The following GSE1 variants were observed in gnomAD, a reference collection of about 807,000 sequenced individuals.
The protein encoded by GSE1 is genetic suppressor element 1.
A neutral mutation model predicts 112.6 loss-of-function variants in GSE1; 32 were observed. The observed-to-expected ratio is 0.28, with a 90% CI of 0.21 to 0.38. The LOEUF (loss-of-function observed/expected upper bound fraction) is 0.38, where lower values mean the gene tolerates loss of function less well. GSE1 is among the 10% of genes least tolerant of loss of function. The probability of loss-of-function intolerance (pLI) is 1.00; values close to 1 mark genes in which losing one functional copy is unlikely to be tolerated. For synonymous variants in GSE1, 1,115 were observed against 735.6 expected, an observed-to-expected ratio of 1.52 and a Z score of -8.35; for missense variants, 2,348 against 1,699.2, an observed-to-expected ratio of 1.38 and a Z score of -6.71.
chr16:85,656,406 T>G lies in GSE1; in HGVS notation c.1053T>G (p.Arg351=), dbSNP rs774443353. The part of the protein sequence containing the change: ...RERERERERE[R]EADREREKER... ...GCGAGCGCGAGCGCGAGCGTGAGCGTGAGGCTGACCGCGAGCGGGAGAAGG... is the reference window on the plus strand; with the variant it reads ...GCGAGCGCGAGCGCGAGCGTGAGCGGGAGGCTGACCGCGAGCGGGAGAAGG... The change falls in exon 7 of 16, where the codon CGT becomes CGG. Residue 351 remains arginine (R), a synonymous_variant. Coordinates refer to ENST00000253458, the MANE Select transcript of GSE1 (RefSeq NM_014615.5). 2 of 1,569,670 alleles carry G rather than the reference T, an allele frequency of 1.3e-6. No homozygotes were observed. The highest frequency in any genetic ancestry group is 1.7e-6 in the Non-Finnish European group (2 of 1,154,462).
At chr16:85,563,036 C>G (rs1216490573) in intron 1 of GSE1, among the ~76,000 whole-genome samples, 1 of 152,206 alleles carries the variant, frequency 6.6e-6, no homozygotes, top group African/African-American at 2.4e-5. Context: ...ATCCTTGTCC[C>G]TGTCTGGGAT....
intron 2 of GSE1, among the ~76,000 whole-genome samples, chr16:85,378,761 G>A (rs2151615568): frequency 6.6e-6 from 1 of 152,256 alleles, no homozygotes; most frequent in South Asian, 2.1e-4. Flanking sequence ...ACTTGGGGAT[G>A]GAAAGCACCT....
intron 1 of GSE1, among the ~76,000 whole-genome samples, chr16:85,346,856 G>A (rs1597452078): frequency 6.6e-6 from 1 of 151,528 alleles, no homozygotes; most frequent in Non-Finnish European, 1.5e-5. Flanking sequence ...AGGTGGATGG[G>A]TGATGGACAG....
intron 1 of GSE1, among the ~76,000 whole-genome samples, chr16:85,257,609 A>C (rs1431579115): frequency 1.3e-5 from 2 of 152,242 alleles, no homozygotes; most frequent in Admixed American, 6.5e-5. Flanking sequence ...CAAAGGAAAA[A>C]AACTAGCCTG....
chr16:85,330,794 T>C (rs1025665325), intron 1 of GSE1, among the ~76,000 whole-genome samples: 1 of 152,250 alleles, frequency 6.6e-6, no homozygotes, highest in African/African-American at 2.4e-5. Flanking sequence ...GCATGAGCCC[T>C]TGGGGCCCAG....
chr16:85,662,060 G>A (rs1367331579), intron 9 of GSE1, among the ~76,000 whole-genome samples: 3 of 152,194 alleles, frequency 2.0e-5, no homozygotes, highest in Non-Finnish European at 2.9e-5. Flanking sequence ...AGTGATGAGC[G>A]GAGGCTAATA....
Position 85,309,524 on chromosome 16 carries a change from G to T in GSE1, c.2284-47939G>T, listed in dbSNP as rs1380222341. On this transcript the variant is annotated intron_variant, in intron 1 of 2. Coordinates refer to the GSE1 transcript ENST00000637419. ...CAATAATAAATAAATAAATAAATAAGAAGAACCGGGTGAGATTAATTTTGA... is the reference window on the plus strand; with the variant it reads ...CAATAATAAATAAATAAATAAATAATAAGAACCGGGTGAGATTAATTTTGA... 5.3e-5 allele frequency among the ~76,000 whole-genome samples: 6 copies of T among 113,458 alleles called. No homozygotes were observed. In the South Asian group the frequency reaches 1.5e-3, roughly 28 times the overall value. 74.4% of individuals were successfully genotyped at this position (113,458 alleles called of 152,430 possible). A position where few individuals can be genotyped will look rare whatever the true frequency, so the allele number is the denominator to read the frequency against.
At chr16:85,289,598 T>C (rs1331093530) in intron 1 of GSE1, among the ~76,000 whole-genome samples, 5 of 152,142 alleles carry the variant, frequency 3.3e-5, no homozygotes, top group Admixed American at 6.5e-5. Flanking sequence ...AGACCACACT[T>C]TGAGAACCAT....
In GSE1 at chr16:85,373,509, G is replaced by A. The variant is rs1200663392; in HGVS notation, c.2464+15866G>A. ...TCCCCATTTGTGAAGTAGGGATGCT[G>A]TGGCAGCTGCCTCCCGGGGCCCCTG... On this transcript the variant is annotated intron_variant, in intron 2 of 2. Transcript: ENST00000637419. The surrounding 1 kb of genome is among the most constrained non-coding windows in gnomAD (Gnocchi z 5.1). Among the ~76,000 whole-genome samples, 1 of 152,160 alleles carries A rather than the reference G, an allele frequency of 6.6e-6. No homozygotes were observed. The highest frequency in any genetic ancestry group is 1.5e-5 in the Non-Finnish European group (1 of 68,022).
intron 2 of GSE1, among the ~76,000 whole-genome samples, chr16:85,523,087 C>G (rs2052242800): frequency 6.6e-6 from 1 of 150,868 alleles, no homozygotes; most frequent in Admixed American, 6.6e-5. Flanking sequence ...TGTGTGTGGC[C>G]TGTGTGTGTT....
rs1487702552 is a variant in GSE1 at position 85,331,529 on chromosome 16, G to GTA, written c.2284-25930_2284-25929dup. Among the ~76,000 whole-genome samples, 197 of 41,736 alleles carry GTA rather than the reference G, an allele frequency of 4.7e-3. 1 individual carries two copies. The highest frequency in any genetic ancestry group is 0.04 in the East Asian group (14 of 350). 27.4% of individuals were successfully genotyped at this position (41,736 alleles called of 152,430 possible). A position where few individuals can be genotyped will look rare whatever the true frequency, so the allele number is the denominator to read the frequency against. On this transcript the variant is annotated intron_variant, in intron 1 of 2. Transcript: ENST00000637419. ...TATATGTATATATGTGTATATATGTGTATATGTGTATATGTGTGTATATAT... is the reference window on the plus strand; with the variant it reads ...TATATGTATATATGTGTATATATGTGTATATATGTGTATATGTGTGTATATAT...
chr16:85,173,082 G>C (rs568005820), intron 1 of GSE1, among the ~76,000 whole-genome samples: 75 of 152,240 alleles, frequency 4.9e-4, no homozygotes, highest in African/African-American at 1.7e-3. Context: ...TCTCCTCTTC[G>C]GCATATAGCA....
intron 2 of GSE1, among the ~76,000 whole-genome samples, chr16:85,397,063 G>A (rs754365016): frequency 2.0e-5 from 3 of 152,204 alleles, no homozygotes; most frequent in Admixed American, 6.5e-5. Flanking sequence ...GTGCAGAGAG[G>A]CATGGGCAGA....
At chr16:85,507,356 C>T (rs943415632) in intron 2 of GSE1, among the ~76,000 whole-genome samples, 56 of 152,176 alleles carry the variant, frequency 3.7e-4, no homozygotes, top group African/African-American at 1.3e-3. Flanking sequence ...AAACCCCACT[C>T]GTCTCTCTCT....
chr16:85,250,145 A>G (rs1053663955), intron 1 of GSE1, among the ~76,000 whole-genome samples: 2 of 152,224 alleles, frequency 1.3e-5, no homozygotes, highest in African/African-American at 4.8e-5. Context: ...ACTTGAGGCC[A>G]GGCCGAGCCC....
chr16:85,243,995 A>G (rs1234095586), intron 1 of GSE1, among the ~76,000 whole-genome samples: 2 of 152,216 alleles, frequency 1.3e-5, no homozygotes, highest in East Asian at 3.9e-4. Flanking sequence ...GTGTGGTGGC[A>G]CATACCTGTA....
Position 85,571,748 on chromosome 16 carries a change from G to C in GSE1, c.37+15385G>C, listed in dbSNP as rs368230726. Among the ~76,000 whole-genome samples the C allele has an allele frequency of 1.8e-4, 28 of 152,364 alleles. No individual in the cohort carries two copies. The South Asian group carries it at 5.6e-3, about 30-fold the overall frequency. On this transcript the variant is annotated intron_variant, in intron 1 of 2. Transcript: ENST00000635906. ...AGGCCCCAGCAAGGGAGGCAGAGGC[G>C]TGGGGGCAGAGGCCATGGCGGAGCT...
intron 2 of GSE1, among the ~76,000 whole-genome samples, chr16:85,640,521 G>T (rs974188193): frequency 9.2e-5 from 14 of 152,344 alleles, no homozygotes; most frequent in African/African-American, 3.1e-4. Context: ...CAGGCAAGAG[G>T]GGAGGCAGAT....
intron 2 of GSE1, among the ~76,000 whole-genome samples, chr16:85,365,414 G>A (rs1032650658): frequency 6.6e-6 from 1 of 152,198 alleles, no homozygotes; most frequent in Non-Finnish European, 1.5e-5. Flanking sequence ...GTGGACAAAG[G>A]GGCAGCTGGT....
Sources: allele counts gnomAD v4.1 joint callset (sites outside exome capture counted in the v4.1 genomes callset), GRCh38; gene constraint gnomAD v4.1.1; non-coding constraint Gnocchi (gnomAD v3.1); transcripts MANE v1.5; gene names NCBI Gene and HGNC (gene_info 2026-07-23, HGNC 2026-07-21).